Variants in DAGLB observed in about 807,000 individuals in gnomAD.
DAGLB encodes the protein diacylglycerol lipase beta.
A neutral mutation model predicts 72.1 loss-of-function variants in DAGLB; 66 were observed. The observed-to-expected ratio is 0.92, with a 90% CI of 0.75 to 1.12. DAGLB has a LOEUF of 1.12. Ranked by LOEUF, DAGLB falls within the 50% of genes most tolerant of loss-of-function variation. The pLI, the probability that DAGLB is intolerant of heterozygous loss-of-function variation, is 0.00. For missense variants in DAGLB, 1,065 were observed against 884.9 expected (o/e 1.20, Z -2.58); for synonymous variants, 414 against 359.5 (o/e 1.15, Z -1.71).
At chr7:6,436,653 C>G in intron 2 of DAGLB, 120 bp from the exon 3 acceptor site, 1 of 1,216,564 alleles carries the variant, frequency 8.2e-7, no homozygotes, top group East Asian at 2.5e-5. Flanking sequence ...CGCCTCCTGA[C>G]TTTTTCTACT....
intron 7 of DAGLB, among the ~76,000 whole-genome samples, chr7:6,425,675 C>G (rs529284404): frequency 1.3e-5 from 2 of 152,144 alleles, no homozygotes; most frequent in African/African-American, 4.8e-5. Flanking sequence ...GACGACGATA[C>G]GAATCCCAGA....
At chr7:6,422,967 G>A (rs1026351182) in intron 8 of DAGLB, among the ~76,000 whole-genome samples, 4 of 152,344 alleles carry the variant, frequency 2.6e-5, no homozygotes, top group South Asian at 2.1e-4. Flanking sequence ...GGTAAGATCC[G>A]ATCCGTGTTC....
chr7:6,425,395 CCGACCAGCAGAGA>C (rs1784274454), intron 7 of DAGLB, among the ~76,000 whole-genome samples: 2 of 152,180 alleles, frequency 1.3e-5, no homozygotes, highest in South Asian at 4.1e-4. Flanking sequence ...CCTCAGCCTC[CCGACCAGCAGAGA>C]CTACAGGCGC....
At chr7:6,415,412 CG>C (rs1783875429) in intron 11 of DAGLB, among the ~76,000 whole-genome samples, 1 of 151,686 alleles carries the variant, frequency 6.6e-6, no homozygotes, top group Non-Finnish European at 1.5e-5. Context: ...CCCAAAGGGC[CG>C]GGATTACAGG....
Position 6,410,281 on chromosome 7 carries a change from G to T in DAGLB, c.1669C>A (p.Gln557Lys). Residue 557 changes from glutamine to lysine, a missense_variant, in exon 14 of 15, where the codon CAG becomes AAG. Physicochemically the swap from Gln to Lys is moderately conservative, Grantham distance 53. Transcript: ENST00000297056. ...AGGCTCTGCTCCCCCAGAAGAGGCT[G>T]TGTCAGGACTTCCTGGTCGCCCCCG... The part of the protein sequence containing the change: ...LDGGDQEVLT[Q>K]PLLGEQSLLT... The T allele has an allele frequency of 6.2e-7, 1 of 1,613,896 alleles. No homozygotes were observed. Among genetic ancestry groups the T allele is most frequent in the Non-Finnish European group, 8.5e-7 (1 of 1,179,914 alleles).
At chr7:6,438,516 T>A (rs1320684046) in intron 2 of DAGLB, among the ~76,000 whole-genome samples, 1 of 151,794 alleles carries the variant, frequency 6.6e-6, no homozygotes, top group Non-Finnish European at 1.5e-5. Flanking sequence ...CAGTCCTATA[T>A]TTGGAGCTTG....
intron 5 of DAGLB, among the ~76,000 whole-genome samples, chr7:6,432,325 C>T (rs1784510737): frequency 6.6e-6 from 1 of 150,660 alleles, no homozygotes; most frequent in African/African-American, 2.4e-5. Context: ...GCCCGAGCAA[C>T]AAGAGCAAAA....
chr7:6,410,448 C>A (rs1783685097), intron 13 of DAGLB, 68 bp from the exon 14 acceptor site: 1 of 1,528,454 alleles, frequency 6.5e-7, no homozygotes, highest in Non-Finnish European at 8.8e-7. Flanking sequence ...TCCCGAAACA[C>A]CAAGGCGGAC....
chr7:6,426,458 T>C (rs836526), intron 6 of DAGLB, among the ~76,000 whole-genome samples: 90,881 of 152,084 alleles, frequency 0.6, 29,871 homozygotes, highest in East Asian at 0.91. Flanking sequence ...TCAGTACAGA[T>C]AGAGTTTCGC....
At chr7:6,414,544 T>G (rs1245686757) in intron 11 of DAGLB, among the ~76,000 whole-genome samples, 4 of 151,606 alleles carry the variant, frequency 2.6e-5, no homozygotes, top group Non-Finnish European at 5.9e-5. Context: ...CAAGTGATCC[T>G]CCTGCCTCAG....
chr7:6,421,795 T>G lies in DAGLB; in HGVS notation c.1150A>C (p.Thr384Pro), dbSNP rs1422561428. 1.2e-6 allele frequency: 2 copies of G among 1,612,798 alleles called. No homozygotes were observed. The highest frequency in any genetic ancestry group is 1.7e-5 in the Admixed American group (1 of 59,990). ...RGTMSLQDVL[T>P]DLSAESEVLD... ...ACCTCACTCTCCGCTGACAGGTCCG[T>G]AAGGACATCCTGTAAAAAGGGCGTT... Residue 384 changes from threonine to proline, a missense_variant, in exon 9 of 15, where the codon ACG (threonine) becomes CCG (proline). Thr to Pro is a conservative substitution (Grantham distance 38, BLOSUM62 -1). Transcript: ENST00000297056.
Position 6,416,631 on chromosome 7 carries a change from A to C in DAGLB, c.1423T>G (p.Trp475Gly). 6.2e-7 allele frequency: 1 copy of C among 1,603,292 alleles called. No homozygotes were observed. The change falls in exon 11 of 15, where the codon TGG becomes GGG. Residue 475 changes from tryptophan (W) to glycine (G), a missense_variant. Coordinates refer to ENST00000297056, the MANE Select transcript of DAGLB (RefSeq NM_139179.4). Reference protein sequence around the residue: ...CYAFSPPRGLWSKALQEYSQS... With the variant: ...CYAFSPPRGLGSKALQEYSQS... ...AGCAGGAAAACAAAGGCTCACCTCC[A>C]CAGCCCCCGGGGTGGGGAGAAGGCG...
At chr7:6,430,250 C>CATATATATATATAT (rs57374634) in intron 6 of DAGLB, among the ~76,000 whole-genome samples, 739 of 45,680 alleles carry the variant, frequency 0.016, 22 homozygotes, top group African/African-American at 0.02. Context: ...AATACATGTG[C>CATATATATATATAT]ATATATATAT....
chr7:6,431,496 A>G (rs1217885598), intron 5 of DAGLB, among the ~76,000 whole-genome samples: 1 of 152,168 alleles, frequency 6.6e-6, no homozygotes, highest in African/African-American at 2.4e-5. Flanking sequence ...ATGTGGCCGG[A>G]TGCAGTGGCT....
At chr7:6,426,874 G>A (rs1478473806) in intron 6 of DAGLB, among the ~76,000 whole-genome samples, 6 of 152,186 alleles carry the variant, frequency 3.9e-5, no homozygotes, top group East Asian at 3.8e-4. Flanking sequence ...CTGGGAGATC[G>A]AGGCAGGTGG....
At chr7:6,431,321 G>A (rs1784482120) in intron 5 of DAGLB, among the ~76,000 whole-genome samples, 1 of 152,038 alleles carries the variant, frequency 6.6e-6, no homozygotes, top group African/African-American at 2.4e-5. Context: ...ACCTGTGGCA[G>A]GAAAATTATC....
intron 11 of DAGLB, among the ~76,000 whole-genome samples, chr7:6,413,751 C>T (rs1302763876): frequency 2.6e-5 from 4 of 152,206 alleles, no homozygotes; most frequent in African/African-American, 9.7e-5. Context: ...ATCCACAGAA[C>T]TGCCTTCAGC....
At chr7:6,437,457 G>A (rs976816768) in intron 2 of DAGLB, among the ~76,000 whole-genome samples, 5 of 152,056 alleles carry the variant, frequency 3.3e-5, no homozygotes, top group Non-Finnish European at 7.4e-5. Context: ...TTGGAGACAA[G>A]GTCTCACTCT....
intron 6 of DAGLB, among the ~76,000 whole-genome samples, chr7:6,428,315 C>CAAAAAAAAAA (rs749361631): frequency 5.2e-5 from 4 of 76,906 alleles, no homozygotes; most frequent in African/African-American, 9.6e-5. Flanking sequence ...GACTCTGTCT[C>CAAAAAAAAAA]AAAAAAAAAA....
Sources: gnomAD v4.1 joint callset for allele counts (sites outside exome capture counted in the v4.1 genomes callset) on GRCh38, gnomAD v4.1.1 for gene constraint, MANE v1.5 for transcripts, NCBI Gene and HGNC (gene_info 2026-07-23, HGNC 2026-07-21) for gene names.